Variants in IRF4 observed in about 807,000 individuals in gnomAD.
IRF4 encodes the protein interferon regulatory factor 4, also known as lymphocyte-specific interferon regulatory factor.
In IRF4, 13 loss-of-function variants were observed where a neutral mutation model predicts 55.5. That is an observed-to-expected ratio of 0.23 (90% CI 0.15 to 0.37). The LOEUF (loss-of-function observed/expected upper bound fraction) is 0.37. Among genes scored for constraint, IRF4 ranks in the 10% least tolerant of loss-of-function variants. The pLI, the probability that IRF4 is intolerant of heterozygous loss-of-function variation, is 1.00. For missense variants in IRF4, 397 were observed against 593.8 expected, an observed-to-expected ratio of 0.67 and a Z score of 3.44; for synonymous variants, 249 against 240.7, an observed-to-expected ratio of 1.03 and a Z score of -0.32.
rs1761188285 is a variant in IRF4, at chr6:393,866, T to A, written c.216+498T>A. 6.6e-6 allele frequency among the ~76,000 whole-genome samples: 1 copy of A among 152,166 alleles called. No homozygotes were observed. The highest frequency in any genetic ancestry group is 1.5e-5 in the Non-Finnish European group (1 of 68,028). On this transcript the variant is annotated intron_variant, in intron 2 of 8. Transcript: ENST00000380956. The surrounding 1 kb of genome is among the most constrained non-coding windows in gnomAD (Gnocchi z 5.4). ...CTCTCTCTCCATGTTTTTCCTGAGG[T>A]CAGCCTCTCTTCTCGCTCCTGCTAG... is the stretch of plus-strand genomic sequence containing the variant.
chr6:392,606 G>A (rs951400095), intron 1 of IRF4, among the ~76,000 whole-genome samples: 3 of 152,258 alleles, frequency 2.0e-5, no homozygotes, highest in Non-Finnish European at 4.4e-5. Context: ...GGAGGAACCC[G>A]GGGCTGCGCC....
At position 393,212 on chromosome 6, in the gene IRF4, C is replaced by A. The variant is rs375593254; in HGVS notation, c.60C>A (p.Gly20=). 3 of 1,561,532 alleles carry A rather than the reference C, an allele frequency of 1.9e-6. No homozygotes were observed. The highest frequency in any genetic ancestry group is 1.7e-6 in the Non-Finnish European group (2 of 1,152,674). ...GEFGMSAVSC[G]NGKLRQWLID... ...TCGGCATGAGCGCGGTGAGCTGCGG[C>A]AACGGGAAGCTCCGCCAGTGGCTGA... is the stretch of plus-strand genomic sequence containing the variant. Residue 20 remains glycine (G), a synonymous_variant, in exon 2 of 9, where the codon GGC becomes GGA. Coordinates refer to ENST00000380956, the MANE Select transcript of IRF4 (RefSeq NM_002460.4). The surrounding 1 kb of genome is among the most constrained non-coding windows in gnomAD (Gnocchi z 5.4).
At chr6:405,349 A>G (rs529407790) in intron 8 of IRF4, among the ~76,000 whole-genome samples, 53 of 152,250 alleles carry the variant, frequency 3.5e-4, no homozygotes, top group Non-Finnish European at 6.6e-4. Context: ...TCAAAGAACC[A>G]GGGAGGACAG....
intron 1 of IRF4, among the ~76,000 whole-genome samples, chr6:392,564 G>C (rs567217226): frequency 6.6e-6 from 1 of 152,396 alleles, no homozygotes; most frequent in African/African-American, 2.4e-5. Context: ...TCGGGGCGAA[G>C]GGTCTGGATG....
intron 7 of IRF4, among the ~76,000 whole-genome samples, chr6:402,811 C>G (rs1017819728): frequency 1.3e-5 from 2 of 152,172 alleles, no homozygotes; most frequent in African/African-American, 2.4e-5. Flanking sequence ...GTGGGCAGAT[C>G]ACTTGAGGCC....
rs1423524532 is a variant in IRF4 at position 409,326 on chromosome 6, C to CA, written c.*1735dup. ...AGAAAAGACAAACAGTAGAGAACAGCAAAAAAATAAAAAGGATCTCCTTTT... is the reference window on the plus strand; with the variant it reads ...AGAAAAGACAAACAGTAGAGAACAGCAAAAAAAATAAAAAGGATCTCCTTTT... On this transcript the variant is annotated 3_prime_UTR_variant, in exon 9 of 9. Transcript: ENST00000380956. 1.0e-5 allele frequency: 2 copies of CA among 194,270 alleles called. No individual in the cohort carries two copies. Among genetic ancestry groups the CA allele is most frequent in the Non-Finnish European group, 2.1e-5 (2 of 93,296 alleles). 12.0% of individuals were successfully genotyped at this position (194,270 alleles called of 1,614,324 possible).
chr6:396,746 CCGT>C (rs1191552027), intron 4 of IRF4, among the ~76,000 whole-genome samples: 1 of 70,076 alleles, frequency 1.4e-5, no homozygotes, highest in Non-Finnish European at 2.4e-5. Flanking sequence ...TCCTTTACCC[CCGT>C]CTCAATGCCA....
rs999407244 is a variant in IRF4, at chr6:411,238, C to G, written c.*3640C>G. 1.3e-5 allele frequency: 3 copies of G among 229,496 alleles called. No homozygotes were observed. Among genetic ancestry groups the G allele is most frequent in the African/African-American group, 6.7e-5 (3 of 45,108 alleles). The allele number at this position is 229,496 out of a possible 1,614,324, so 14.2% of individuals were successfully genotyped here. A position where few individuals can be genotyped will look rare whatever the true frequency, so the allele number is the denominator to read the frequency against. On this transcript the variant is annotated 3_prime_UTR_variant, in exon 9 of 9. Transcript: ENST00000380956. ...CTGCCAGCAGGTAGGACCCCAGAGG[C>G]CCCCAAATGAAAGCTTGAATTTCCC...
At chr6:397,287 T>G in intron 5 of IRF4, 35 bp downstream of exon 5, 1 of 1,611,838 alleles carries the variant, frequency 6.2e-7, no homozygotes, top group Non-Finnish European at 8.5e-7. Context: ...ATAGAAGAGC[T>G]AATTGCTAAT....
Position 406,413 on chromosome 6 carries a change from G to A in IRF4, c.1213-1042G>A, listed in dbSNP as rs553489918. 4.0e-5 allele frequency among the ~76,000 whole-genome samples: 6 copies of A among 150,946 alleles called. No individual in the cohort carries two copies. The East Asian group carries it at 5.8e-4, about 15-fold the overall frequency. On this transcript the variant is annotated intron_variant, in intron 8 of 8. Transcript: ENST00000380956. ...AAAAATTAGCCGGGCGTGGTGGTGC[G>A]CACCTGTAATCCCAGCTACTCGGGA...
intron 8 of IRF4, chr6:406,877 C>T (rs901616265): frequency 8.4e-6 from 9 of 1,067,244 alleles, no homozygotes; most frequent in Non-Finnish European, 9.1e-6. Context: ...AAAAGCTGAA[C>T]ATTAAGGCGT....
chr6:401,346 G>T (rs1761393253), intron 6 of IRF4, 78 bp from the exon 7 acceptor site: 1 of 1,074,958 alleles, frequency 9.3e-7, no homozygotes, highest in East Asian at 2.4e-5. Context: ...CACCACAGGT[G>T]CTTGGCTCTG....
chr6:392,421 C>G (rs1761130044), intron 1 of IRF4, among the ~76,000 whole-genome samples: 1 of 152,274 alleles, frequency 6.6e-6, no homozygotes, highest in Non-Finnish European at 1.5e-5. Flanking sequence ...CTCTCCCGGG[C>G]CTGCTCCGGG....
chr6:411,142 G>C lies in IRF4; in HGVS notation c.*3544G>C, dbSNP rs1049734829. On this transcript the variant is annotated 3_prime_UTR_variant, in exon 9 of 9. Transcript: ENST00000380956. The stretch of plus-strand genomic sequence containing the variant: ...GTGTTGCTTCAAACTGAGACAGATG[G>C]GACTTAACAGGCAATGGGGTCCACT... 4.3e-5 allele frequency: 10 copies of C among 232,346 alleles called. No homozygotes were observed. Among genetic ancestry groups the C allele is most frequent in the Non-Finnish European group, 6.8e-5 (8 of 117,452 alleles). The allele number at this position is 232,346 out of a possible 1,614,324, so 14.4% of individuals were successfully genotyped here.
chr6:392,356 T>C (rs1034641437), intron 1 of IRF4, among the ~76,000 whole-genome samples: 10 of 152,194 alleles, frequency 6.6e-5, no homozygotes, highest in Admixed American at 5.9e-4. Flanking sequence ...GCGCGGTCCC[T>C]GCCTCCCAGG....
Position 407,589 on chromosome 6 carries a change from T to G in IRF4, c.1347T>G (p.Ile449Met). 6.3e-7 allele frequency: 1 copy of G among 1,596,548 alleles called. No individual in the cohort carries two copies. The highest frequency in any genetic ancestry group is 8.5e-7 in the Non-Finnish European group (1 of 1,175,032). The change falls in exon 9 of 9, where the codon ATT (isoleucine) becomes ATG (methionine). Residue 449 changes from isoleucine to methionine, a missense_variant. Coordinates refer to ENST00000380956, the MANE Select transcript of IRF4 (RefSeq NM_002460.4). Reference sequence around the variant, plus strand: ...ACAGATCTATCCGCCATTCCTCTATTCAAGAATGAAAAATGTCAAGATGAG... The same window carrying G: ...ACAGATCTATCCGCCATTCCTCTATGCAAGAATGAAAAATGTCAAGATGAG... ...DYHRSIRHSS[I>M]QE is the part of the protein sequence containing the mutation.
chr6:398,748 TCA>T (rs1761328621), intron 5 of IRF4, 78 bp from the exon 6 acceptor site: 35 of 979,724 alleles, frequency 3.6e-5, no homozygotes, highest in South Asian at 5.2e-5. Context: ...TTCCCAGGCT[TCA>T]CACACACACC....
At position 408,472 on chromosome 6, in the gene IRF4, C is replaced by T. The variant is rs543066120; in HGVS notation, c.*874C>T. ...ATTTTCTTGAGTCAAAAAACATGAGCGCTACTCTTGGATGGGACATTTTTG... is the reference window on the plus strand; with the variant it reads ...ATTTTCTTGAGTCAAAAAACATGAGTGCTACTCTTGGATGGGACATTTTTG... On this transcript the variant is annotated 3_prime_UTR_variant, in exon 9 of 9. Transcript: ENST00000380956. 15 of 229,388 alleles carry T rather than the reference C, an allele frequency of 6.5e-5. No homozygotes were observed. The highest frequency in any genetic ancestry group is 8.6e-5 in the Non-Finnish European group (10 of 115,676). The allele number at this position is 229,388 out of a possible 1,614,324, so 14.2% of individuals were successfully genotyped here.
In IRF4 at chr6:407,549, A is replaced by G. The variant is rs1761576994; in HGVS notation, c.1307A>G (p.Asn436Ser). 1.2e-6 allele frequency: 2 copies of G among 1,613,180 alleles called. No individual in the cohort carries two copies. Among genetic ancestry groups the G allele is most frequent in the Admixed American group, 1.7e-5 (1 of 59,854 alleles). Residue 436 changes from asparagine (N) to serine (S), a missense_variant, in exon 9 of 9, where the codon AAT becomes AGT. By Grantham distance (46) the Asn-to-Ser change is conservative (BLOSUM62 1). Around this residue, in one of 3 missense-constraint regions of IRF4, gnomAD observed 341 missense variants for 548.1 expected, o/e 0.62. Coordinates refer to ENST00000380956, the MANE Select transcript of IRF4 (RefSeq NM_002460.4). Reference sequence around the variant, plus strand: ...TACGATTTACCAGAACACATCAGCAATCCAGAAGATTACCACAGATCTATC... The same window carrying G: ...TACGATTTACCAGAACACATCAGCAGTCCAGAAGATTACCACAGATCTATC... ...RGYDLPEHIS[N>S]PEDYHRSIRH...
Sources: allele counts gnomAD v4.1 joint callset (sites outside exome capture counted in the v4.1 genomes callset), GRCh38; gene constraint gnomAD v4.1.1; regional missense constraint gnomAD v4.1.1; non-coding constraint Gnocchi (gnomAD v3.1); transcripts MANE v1.5; gene names NCBI Gene and HGNC (gene_info 2026-07-23, HGNC 2026-07-21).